Variants in CHSY3 observed in about 807,000 individuals in gnomAD.
CHSY3 encodes the protein chondroitin sulfate synthase 3, also known as N-acetylgalactosaminyl-proteoglycan 3-beta-glucuronosyltransferase 3.
A neutral mutation model predicts 67.2 loss-of-function variants in CHSY3; 35 were observed. That is an observed-to-expected ratio of 0.52 (90% CI 0.40 to 0.69). The LOEUF (loss-of-function observed/expected upper bound fraction) is 0.69. CHSY3 is among the 30% of genes least tolerant of loss of function. The pLI is 0.00. For synonymous variants in CHSY3, 474 were observed against 434.7 expected, an observed-to-expected ratio of 1.09 and a Z score of -1.12; for missense variants, 1,069 against 1,138.5, an observed-to-expected ratio of 0.94 and a Z score of 0.88.
intron 2 of CHSY3, among the ~76,000 whole-genome samples, chr5:130,068,612 G>A (rs1272947882): frequency 1.3e-5 from 2 of 152,126 alleles, no homozygotes; most frequent in African/African-American, 4.8e-5. Flanking sequence ...GCACAAAAGT[G>A]TGGTAGAAAA....
intron 2 of CHSY3, among the ~76,000 whole-genome samples, chr5:129,946,615 A>G (rs562577326): frequency 2.2e-4 from 33 of 152,258 alleles, no homozygotes; most frequent in Non-Finnish European, 3.5e-4. Context: ...TTGCCCTGAC[A>G]CTTGAACCCT....
chr5:129,967,816 C>T (rs1762512532), intron 2 of CHSY3, among the ~76,000 whole-genome samples: 1 of 151,788 alleles, frequency 6.6e-6, no homozygotes, highest in Non-Finnish European at 1.5e-5. Flanking sequence ...TGTTTGAAAT[C>T]AGCCATAGTA....
chr5:130,061,482 G>A (rs552490675), intron 2 of CHSY3, among the ~76,000 whole-genome samples: 1 of 152,120 alleles, frequency 6.6e-6, no homozygotes, highest in East Asian at 1.9e-4. Context: ...AATTCTTTTC[G>A]ACATTGGCCT....
At chr5:130,076,286 A>T (rs1388333571) in intron 2 of CHSY3, among the ~76,000 whole-genome samples, 1 of 150,654 alleles carries the variant, frequency 6.6e-6, no homozygotes, top group Non-Finnish European at 1.5e-5. Context: ...CTGTCCTCCC[A>T]GCTAAAACTG....
intron 2 of CHSY3, among the ~76,000 whole-genome samples, chr5:130,012,666 G>A (rs537994527): frequency 6.6e-6 from 1 of 152,170 alleles, no homozygotes; most frequent in East Asian, 1.9e-4. Context: ...AGAACACCAT[G>A]GGGGAACTGC....
At chr5:130,030,040 A>G (rs945743791) in intron 2 of CHSY3, among the ~76,000 whole-genome samples, 10 of 152,136 alleles carry the variant, frequency 6.6e-5, no homozygotes, top group East Asian at 3.9e-4. Flanking sequence ...TTTTTCCTAA[A>G]TTAGTTTTCT....
At chr5:129,934,762 A>G (rs907425893) in intron 2 of CHSY3, among the ~76,000 whole-genome samples, 53 of 152,190 alleles carry the variant, frequency 3.5e-4, no homozygotes, top group African/African-American at 1.1e-3. Flanking sequence ...TTTATTTCCA[A>G]TAGCGGTCTG....
intron 2 of CHSY3, among the ~76,000 whole-genome samples, chr5:129,981,203 A>G (rs1762975317): frequency 2.0e-5 from 3 of 149,320 alleles, no homozygotes; most frequent in African/African-American, 7.4e-5. Context: ...CCTGGGCGAA[A>G]GAGGGAGACT....
intron 2 of CHSY3, among the ~76,000 whole-genome samples, chr5:130,127,152 A>G (rs993132910): frequency 6.6e-6 from 1 of 152,236 alleles, no homozygotes; most frequent in African/African-American, 2.4e-5. Flanking sequence ...GTAATGGACA[A>G]AAATGCCGTA....
At chr5:130,055,720 ACC>A (rs1765510479) in intron 2 of CHSY3, among the ~76,000 whole-genome samples, 1 of 152,030 alleles carries the variant, frequency 6.6e-6, no homozygotes, top group Admixed American at 6.6e-5. Flanking sequence ...TGCTGCTGCT[ACC>A]ACTGCCACCG....
At chr5:130,178,246 TA>T (rs1561571866) in intron 2 of CHSY3, among the ~76,000 whole-genome samples, 781 of 77,838 alleles carry the variant, frequency 0.01, 24 homozygotes, top group African/African-American at 0.041. Context: ...TATATATATA[TA>T]TATATATTTT....
Position 129,904,929 on chromosome 5 carries a change from C to G in CHSY3, c.100C>G (p.Leu34Val), listed in dbSNP as rs1329958601. ...GCTCATCGCCCCCAGGGTGGCGGAG[C>G]TGAGCGAGAGGAAGAGACGTGGCTC... ...SWLIAPRVAE[L>V]SERKRRGSSL... is the part of the protein sequence containing the mutation. Residue 34 changes from leucine to valine, a missense_variant, in exon 1 of 3, where the codon CTG becomes GTG. Around this residue, in one of 5 missense-constraint regions of CHSY3, gnomAD observed 309 missense variants for 262.5 expected, o/e 1.18. Transcript: ENST00000305031. 6.5e-7 allele frequency: 1 copy of G among 1,544,856 alleles called. No homozygotes were observed. The highest frequency in any genetic ancestry group is 1.4e-5 in the African/African-American group (1 of 72,996).
chr5:130,107,172 A>G (rs898778629), intron 2 of CHSY3, among the ~76,000 whole-genome samples: 1 of 151,356 alleles, frequency 6.6e-6, no homozygotes, highest in Non-Finnish European at 1.5e-5. Context: ...TCTTGCTTGT[A>G]TAATTTTGTA....
At chr5:130,133,129 G>A (rs1233416326) in intron 2 of CHSY3, among the ~76,000 whole-genome samples, 1 of 152,158 alleles carries the variant, frequency 6.6e-6, no homozygotes, top group African/African-American at 2.4e-5. Flanking sequence ...TATGTAAAAG[G>A]TTGTATACTA....
At chr5:129,926,598 G>C (rs1007830739) in intron 2 of CHSY3, among the ~76,000 whole-genome samples, 3 of 151,440 alleles carry the variant, frequency 2.0e-5, no homozygotes, top group African/African-American at 7.3e-5. Context: ...CCTTCATCTT[G>C]TTTTGGTTTC....
intron 2 of CHSY3, among the ~76,000 whole-genome samples, chr5:130,065,150 T>C (rs1279783255): frequency 6.6e-6 from 1 of 152,172 alleles, no homozygotes; most frequent in Non-Finnish European, 1.5e-5. Flanking sequence ...TTAAAGTGTT[T>C]TTTTATGGTG....
chr5:129,983,155 C>T (rs1763069730), intron 2 of CHSY3, among the ~76,000 whole-genome samples: 3 of 151,986 alleles, frequency 2.0e-5, no homozygotes, highest in Admixed American at 6.6e-5. Context: ...GTATAATTGA[C>T]GATGTTTGTG....
At chr5:130,171,247 C>A (rs1321017087) in intron 2 of CHSY3, among the ~76,000 whole-genome samples, 1 of 152,116 alleles carries the variant, frequency 6.6e-6, no homozygotes, top group Non-Finnish European at 1.5e-5. Flanking sequence ...TCTATATAGT[C>A]ACTCTGAATA....
intron 2 of CHSY3, among the ~76,000 whole-genome samples, chr5:130,068,082 C>T (rs1765941808): frequency 6.6e-6 from 1 of 151,998 alleles, no homozygotes; most frequent in African/African-American, 2.4e-5. Context: ...CTCTTCTCAC[C>T]CCTTCTTCAA....
Sources: allele counts gnomAD v4.1 joint callset (sites outside exome capture counted in the v4.1 genomes callset), GRCh38; gene constraint gnomAD v4.1.1; regional missense constraint gnomAD v4.1.1; transcripts MANE v1.5; gene names NCBI Gene and HGNC (gene_info 2026-07-23, HGNC 2026-07-21).